COL26A1: variants seen among roughly 807,000 people sequenced by gnomAD.
The protein encoded by COL26A1 is collagen type XXVI alpha 1 chain.
A neutral mutation model predicts 59.3 loss-of-function variants in COL26A1; 41 were observed. The observed-to-expected ratio is 0.69, with a 90% CI of 0.54 to 0.90. The LOEUF is 0.90. Among genes scored for constraint, COL26A1 ranks in the 40% least tolerant of loss-of-function variants. The pLI is 0.00. For synonymous variants in COL26A1, 266 were observed against 256.0 expected, an observed-to-expected ratio of 1.04 and a Z score of -0.37; for missense variants, 612 against 602.3, an observed-to-expected ratio of 1.02 and a Z score of -0.17.
chr7:101,397,544 T>TC (rs1197020557), intron 1 of COL26A1, among the ~76,000 whole-genome samples: 1 of 50,442 alleles, frequency 2.0e-5, no homozygotes, highest in Non-Finnish European at 7.7e-5. Flanking sequence ...CCCCCCCTCC[T>TC]TTTTTTTTTT....
At chr7:101,495,440 G>A (rs1341207154) in intron 3 of COL26A1, among the ~76,000 whole-genome samples, 1 of 150,572 alleles carries the variant, frequency 6.6e-6, no homozygotes, top group Admixed American at 6.6e-5. Context: ...ATGGAGTCTC[G>A]CTCTGTCGCC....
In COL26A1 at chr7:101,557,611, C is replaced by T. The variant is rs1796012373; in HGVS notation, c.*81C>T. 8 of 1,391,614 alleles carry T rather than the reference C, an allele frequency of 5.7e-6. No individual in the cohort carries two copies. Among genetic ancestry groups the T allele is most frequent in the Admixed American group, 2.2e-5 (1 of 45,416 alleles). The allele number at this position is 1,391,614 out of a possible 1,614,324, so 86.2% of individuals were successfully genotyped here. ...GAGCCGCCGCTGTTTCCTAAAGATG[C>T]CCCCAGGGGAACTGGGCTCCAGGCA... On this transcript the variant is annotated 3_prime_UTR_variant, in exon 13 of 13. Coordinates refer to ENST00000313669, the MANE Select transcript of COL26A1 (RefSeq NM_001278563.3).
chr7:101,543,331 G>A (rs1036855877), intron 5 of COL26A1, among the ~76,000 whole-genome samples: 3 of 152,076 alleles, frequency 2.0e-5, no homozygotes, highest in South Asian at 4.1e-4. Context: ...CACTATGCCC[G>A]GTTAACTTTT....
intron 3 of COL26A1, among the ~76,000 whole-genome samples, chr7:101,489,788 TTCTTTCTTTC>T (rs1794382269): frequency 4.3e-4 from 1 of 2,346 alleles, no homozygotes; most frequent in East Asian, 4.0e-3. Context: ...CTTTCTTTCT[TTCTTTCTTTC>T]TTTCTTTCTT....
intron 3 of COL26A1, among the ~76,000 whole-genome samples, chr7:101,525,430 C>T (rs1039255192): frequency 9.3e-5 from 14 of 150,964 alleles, no homozygotes; most frequent in African/African-American, 3.2e-4. Context: ...ATCTGCCCTC[C>T]TCAGCCTCCC....
At chr7:101,434,197 T>C (rs1447066668) in intron 2 of COL26A1, among the ~76,000 whole-genome samples, 6 of 35,410 alleles carry the variant, frequency 1.7e-4, no homozygotes, top group African/African-American at 2.4e-4. Context: ...TCTCTCTCTC[T>C]CTCTCCCGCC....
intron 3 of COL26A1, among the ~76,000 whole-genome samples, chr7:101,474,234 A>G (rs532453409): frequency 6.6e-6 from 1 of 152,238 alleles, no homozygotes; most frequent in East Asian, 1.9e-4. Flanking sequence ...TTGATCCTAC[A>G]CCAGAAACCG....
chr7:101,375,359 A>T (rs902995259), intron 1 of COL26A1, among the ~76,000 whole-genome samples: 1 of 152,066 alleles, frequency 6.6e-6, no homozygotes, highest in African/African-American at 2.4e-5. Flanking sequence ...TAGTGTGCTG[A>T]TGGGGACTTG....
At chr7:101,450,149 T>G in intron 3 of COL26A1, among the ~76,000 whole-genome samples, 1 of 150,176 alleles carries the variant, frequency 6.7e-6, no homozygotes, top group African/African-American at 2.5e-5. Flanking sequence ...AGATACAGAT[T>G]AAAATGAGCT....
intron 3 of COL26A1, among the ~76,000 whole-genome samples, chr7:101,512,784 C>T (rs181307884): frequency 1.1e-4 from 17 of 152,088 alleles, no homozygotes; most frequent in African/African-American, 4.1e-4. Context: ...AGGTCCTTAC[C>T]ATGTAGTTCT....
intron 1 of COL26A1, among the ~76,000 whole-genome samples, chr7:101,370,462 C>T (rs984568873): frequency 6.6e-6 from 1 of 152,098 alleles, no homozygotes; most frequent in Non-Finnish European, 1.5e-5. Flanking sequence ...CCTCCGCTTC[C>T]CAGGTTGAAG....
rs148211261 is a variant in COL26A1 at position 101,409,029 on chromosome 7, T to G, written c.159-10948T>G. Among the ~76,000 whole-genome samples, 188 of 152,372 alleles carry G rather than the reference T, an allele frequency of 1.2e-3. 2 individuals are homozygous for G. The highest frequency in any genetic ancestry group is 1.7e-3 in the Non-Finnish European group (114 of 68,036). On this transcript the variant is annotated intron_variant, in intron 1 of 12. Transcript: ENST00000313669. ...TTGTTGCCTTGGACATGTTATTTAC[T>G]CCTTCCTGTGCCTCAGTTTCCTTCT...
intron 1 of COL26A1, among the ~76,000 whole-genome samples, chr7:101,396,045 C>T (rs898166578): frequency 6.6e-6 from 1 of 152,040 alleles, no homozygotes; most frequent in Admixed American, 6.6e-5. Flanking sequence ...ATTGCTTGAG[C>T]CCAGGAGTTT....
intron 1 of COL26A1, among the ~76,000 whole-genome samples, chr7:101,363,434 G>GT (rs1790952629): frequency 7.0e-6 from 1 of 142,808 alleles, no homozygotes; most frequent in Non-Finnish European, 1.5e-5. Flanking sequence ...CAGGGGCAGG[G>GT]GACACGGGGC....
chr7:101,418,214 C>G (rs1297857252), intron 1 of COL26A1, among the ~76,000 whole-genome samples: 1 of 152,124 alleles, frequency 6.6e-6, no homozygotes, highest in Non-Finnish European at 1.5e-5. Flanking sequence ...CGGGTCCTAC[C>G]TGTCCAGCTC....
intron 3 of COL26A1, among the ~76,000 whole-genome samples, chr7:101,494,843 G>T (rs1057129331): frequency 6.6e-6 from 1 of 152,208 alleles, no homozygotes; most frequent in Non-Finnish European, 1.5e-5. Context: ...TGCCCAGAGC[G>T]TACACTGCAG....
intron 9 of COL26A1, among the ~76,000 whole-genome samples, chr7:101,550,832 C>T (rs991876466): frequency 5.8e-4 from 75 of 129,724 alleles, no homozygotes; most frequent in African/African-American, 2.2e-3. Context: ...GGACCACCTG[C>T]TCCCCTTCTC....
intron 3 of COL26A1, among the ~76,000 whole-genome samples, chr7:101,529,274 G>GT (rs1418632662): frequency 1.3e-5 from 2 of 152,212 alleles, no homozygotes; most frequent in East Asian, 3.9e-4. Flanking sequence ...AATATTTTTT[G>GT]TTTTTTGTTT....
intron 3 of COL26A1, among the ~76,000 whole-genome samples, chr7:101,527,021 A>T (rs1473650333): frequency 6.6e-6 from 1 of 152,196 alleles, no homozygotes; most frequent in African/African-American, 2.4e-5. Flanking sequence ...CCCAGGCTGG[A>T]GTGCAGTGGC....
Sources: allele counts gnomAD v4.1 joint callset (sites outside exome capture counted in the v4.1 genomes callset), GRCh38; gene constraint gnomAD v4.1.1; transcripts MANE v1.5; gene names NCBI Gene and HGNC (gene_info 2026-07-23, HGNC 2026-07-21).